Variants in HARS1 observed in about 807,000 individuals in gnomAD.
HARS1 encodes histidyl-tRNA synthetase 1.
A neutral mutation model predicts 63.6 loss-of-function variants in HARS1; 45 were observed. The observed-to-expected ratio is 0.71, with a 90% confidence interval of 0.56 to 0.91. HARS1 has a LOEUF of 0.91. Ranked by LOEUF, HARS1 falls within the 40% of genes least tolerant of loss-of-function variation. The probability of loss-of-function intolerance (pLI) is 0.00; values close to 1 mark genes in which losing one functional copy is unlikely to be tolerated. For synonymous variants in HARS1, 205 were observed against 247.1 expected, an observed-to-expected ratio of 0.83 and a Z score of 1.60; for missense variants, 508 against 643.2, an observed-to-expected ratio of 0.79 and a Z score of 2.27.
intron 2 of HARS1, among the ~76,000 whole-genome samples, chr5:140,689,136 G>A (rs1175644236): frequency 6.6e-6 from 1 of 152,184 alleles, no homozygotes; most frequent in Non-Finnish European, 1.5e-5. Context: ...GAAAGAAACA[G>A]CTCAATGAAT....
rs1581504646 is a variant in HARS1 at position 140,676,888 on chromosome 5, A to G, written c.960T>C (p.Phe320=). Residue 320 remains phenylalanine (F), a synonymous_variant, in exon 10 of 13, where the codon TTT becomes TTC. Transcript: ENST00000504156. This position sits in a 1 kb window ranked among gnomAD's most constrained non-coding sequence, Gnocchi z 4.1. ...TLFGIDDKIS[F]DLSLARGLDY... ...CCAGCCCTCGAGCAAGGCTCAGGTCAAAGGAGATCTGTGGAGATAAGAAAA... is the reference window on the plus strand; with the variant it reads ...CCAGCCCTCGAGCAAGGCTCAGGTCGAAGGAGATCTGTGGAGATAAGAAAA... The G allele has an allele frequency of 1.2e-6, 2 of 1,613,534 alleles. No individual in the cohort carries two copies. The highest frequency in any genetic ancestry group is 2.2e-5 in the South Asian group (2 of 91,074).
intron 2 of HARS1, among the ~76,000 whole-genome samples, chr5:140,689,982 C>T (rs1046084499): frequency 6.6e-6 from 1 of 152,212 alleles, no homozygotes; most frequent in Non-Finnish European, 1.5e-5. Flanking sequence ...GGTTTCCATA[C>T]TCTACCTGGA....
intron 2 of HARS1, among the ~76,000 whole-genome samples, chr5:140,690,010 T>C (rs1269811683): frequency 6.6e-6 from 1 of 152,232 alleles, no homozygotes; most frequent in Non-Finnish European, 1.5e-5. Context: ...TTGTCACACT[T>C]GTCCTCTGGC....
At chr5:140,689,516 C>T (rs1046092847) in intron 2 of HARS1, among the ~76,000 whole-genome samples, 1 of 152,154 alleles carries the variant, frequency 6.6e-6, no homozygotes, top group Non-Finnish European at 1.5e-5. Flanking sequence ...TCAGGCTGGT[C>T]TCAAGCTCCT....
Position 140,674,117 on chromosome 5 carries a change from AAATC to A in HARS1, c.*136_*139del. On this transcript the variant is annotated 3_prime_UTR_variant, in exon 13 of 13. Transcript: ENST00000504156. ...ATAATCAATAAAATAACCATAATAA[AAATC>A]AAAGGCTCTGTTCTGACCACTCTTC... is the stretch of plus-strand genomic sequence containing the variant. The A allele has an allele frequency of 1.4e-6, 1 of 722,396 alleles. No homozygotes were observed. Among genetic ancestry groups the A allele is most frequent in the Middle Eastern group, 2.6e-4 (1 of 3,776 alleles). 44.7% of individuals were successfully genotyped at this position (722,396 alleles called of 1,614,324 possible). A position where few individuals can be genotyped will look rare whatever the true frequency, so the allele number is the denominator to read the frequency against.
intron 6 of HARS1, 26 bp from the exon 7 acceptor site, chr5:140,677,779 G>A: frequency 1.3e-6 from 2 of 1,505,366 alleles, no homozygotes; most frequent in Non-Finnish European, 1.8e-6. Context: ...GCATAGTGAG[G>A]GGGGAATCTC....
At position 140,685,719 on chromosome 5, in the gene HARS1, CA is replaced by C. The variant is rs60936249; in HGVS notation, c.181-2501del. Among the ~76,000 whole-genome samples the C allele has an allele frequency of 5.0e-3, 580 of 116,272 alleles. 3 individuals are homozygous for C. Among genetic ancestry groups the C allele is most frequent in the African/African-American group, 0.015 (454 of 29,920 alleles). 76.3% of individuals were successfully genotyped at this position (116,272 alleles called of 152,430 possible). On this transcript the variant is annotated intron_variant, in intron 2 of 12. Transcript: ENST00000504156. The stretch of plus-strand genomic sequence containing the variant: ...CTGGTGACAGAGTGAGACTCTGTCT[CA>C]AAAAAAAAAAAAAATCATTAAAATG...
At chr5:140,677,173 T>C in intron 8 of HARS1, 57 bp from the exon 9 acceptor site, 1 of 1,590,888 alleles carries the variant, frequency 6.3e-7, no homozygotes, top group Non-Finnish European at 8.6e-7. Context: ...GTAAGGAGGG[T>C]TGACCTTCTT....
Position 140,674,998 on chromosome 5 carries a change from T to G in HARS1, c.1311+19A>C. On this transcript the variant is annotated intron_variant, in intron 11 of 12. Transcript: ENST00000504156. ...AGCACACCTAAGTTTGCTGCCACCCTGGGGCTTGCCTCCCATACCTTGATC... is the reference window on the plus strand; with the variant it reads ...AGCACACCTAAGTTTGCTGCCACCCGGGGGCTTGCCTCCCATACCTTGATC... The G allele has an allele frequency of 6.4e-7, 1 of 1,556,200 alleles. No homozygotes were observed. Among genetic ancestry groups the G allele is most frequent in the Non-Finnish European group, 8.9e-7 (1 of 1,127,368 alleles).
At chr5:140,682,884 T>C (rs1383818956) in intron 3 of HARS1, 5 of 485,662 alleles carry the variant, frequency 1.0e-5, no homozygotes, top group South Asian at 3.9e-5. Context: ...TTCCAAAGAA[T>C]GGCTCTCTTT....
At position 140,679,167 on chromosome 5, in the gene HARS1, T is replaced by C. The variant is rs774831711; in HGVS notation, c.397-40A>G. 1.9e-6 allele frequency: 3 copies of C among 1,607,836 alleles called. No homozygotes were observed. In the African/African-American group the frequency reaches 4.0e-5, roughly 22 times the overall value. On this transcript the variant is annotated intron_variant, in intron 4 of 12. Transcript: ENST00000504156. This position sits in a 1 kb window ranked among gnomAD's most constrained non-coding sequence, Gnocchi z 4.3. ...TTAAGGAGAAAGCCCCTCCTATCACTGTCTGCAAGTTGATTATCATCACCA... is the reference window on the plus strand; with the variant it reads ...TTAAGGAGAAAGCCCCTCCTATCACCGTCTGCAAGTTGATTATCATCACCA...
chr5:140,682,961 CCCT>C, intron 3 of HARS1, 136 bp downstream of exon 3: 3 of 721,464 alleles, frequency 4.2e-6, no homozygotes, highest in South Asian at 2.3e-5. Flanking sequence ...ATTCTTGTCC[CCCT>C]TCTTATTGGA....
intron 5 of HARS1, 38 bp downstream of exon 5, chr5:140,678,964 A>G (rs1221588672): frequency 1.1e-5 from 18 of 1,607,972 alleles, no homozygotes; most frequent in Non-Finnish European, 1.5e-5. Context: ...AGAGAGCCCC[A>G]AGTAACTCAT....
intron 2 of HARS1, among the ~76,000 whole-genome samples, chr5:140,689,416 C>T (rs1037604060): frequency 3.4e-5 from 5 of 149,198 alleles, no homozygotes; most frequent in Admixed American, 3.3e-4. Context: ...AGTTGCTATA[C>T]TATATTTTTT....
chr5:140,679,665 G>A lies in HARS1; in HGVS notation c.396+123C>T. The A allele has an allele frequency of 1.8e-6, 1 of 562,434 alleles. No homozygotes were observed. The highest frequency in any genetic ancestry group is 3.5e-5 in the Admixed American group (1 of 28,848). 34.8% of individuals were successfully genotyped at this position (562,434 alleles called of 1,614,324 possible). A position where few individuals can be genotyped will look rare whatever the true frequency, so the allele number is the denominator to read the frequency against. On this transcript the variant is annotated intron_variant, in intron 4 of 12. Coordinates refer to ENST00000504156, the MANE Select transcript of HARS1 (RefSeq NM_002109.6). The surrounding 1 kb of genome is among the most constrained non-coding windows in gnomAD (Gnocchi z 4.3). ...GCCAAAGTTCCACTCCTGGTTTAGA[G>A]AAATAATTCCCCTAATCGCCAAAGG...
rs770240713 is a variant in HARS1 at position 140,674,286 on chromosome 5, T to C, written c.1501A>G (p.Arg501Gly). 2 of 1,612,424 alleles carry C rather than the reference T, an allele frequency of 1.2e-6. No homozygotes were observed. The highest frequency in any genetic ancestry group is 2.2e-5 in the East Asian group (1 of 44,872). ...CAGATGCAGAGGGGCTGGCCTGTTC[T>C]CCTTTTGATTTCCTCCACAAGGTCT... ...REDLVEEIKRRTGQPLCIC is the reference protein window; with the variant it reads ...REDLVEEIKRGTGQPLCIC The change falls in exon 13 of 13, where the codon AGA (arginine) becomes GGA (glycine). Residue 501 changes from arginine to glycine, a missense_variant. Physicochemically the swap from Arg to Gly is moderately radical, Grantham distance 125 (BLOSUM62 -2). This residue lies in a region of HARS1 where 403 missense variants were observed against 548.7 expected (regional missense o/e 0.73). Coordinates refer to ENST00000504156, the MANE Select transcript of HARS1 (RefSeq NM_002109.6).
Position 140,677,111 on chromosome 5 carries a change from C to T in HARS1, c.829G>A (p.Val277Ile), listed in dbSNP as rs763899763. The T allele has an allele frequency of 5.6e-6, 9 of 1,613,868 alleles. No individual in the cohort carries two copies. Among genetic ancestry groups the T allele is most frequent in the Non-Finnish European group, 5.9e-6 (7 of 1,179,920 alleles). ...TGGAGCAGCTGTTCCACCAGGGATA[C>T]CCCACCTGGGGAGACAGACTTGTGA... ...IGDYVQQHGG[V>I]SLVEQLLQDP... is the part of the protein sequence containing the mutation. Residue 277 changes from valine (V) to isoleucine (I), a missense_variant, in exon 9 of 13, where the codon GTA becomes ATA. Around this residue, in one of 2 missense-constraint regions of HARS1, gnomAD observed 403 missense variants for 548.7 expected, o/e 0.73. Transcript: ENST00000504156.
chr5:140,674,387 T>A, intron 12 of HARS1, 59 bp from the exon 13 acceptor site: 6 of 1,213,112 alleles, frequency 4.9e-6, no homozygotes, highest in Non-Finnish European at 7.4e-6. Flanking sequence ...GCTCCCCGAG[T>A]GCCTAGTTTC....
At position 140,691,307 on chromosome 5, in the gene HARS1, C is replaced by A. The variant is rs754488411; in HGVS notation, c.-3G>T. On this transcript the variant is annotated 5_prime_UTR_variant, in exon 1 of 13. Coordinates refer to ENST00000504156, the MANE Select transcript of HARS1 (RefSeq NM_002109.6). The stretch of plus-strand genomic sequence containing the variant: ...TCCAGCGCCGCACGCTCTGCCATCC[C>A]GGCTGTCCACTTGAGCCGCCTGCTG... 2 of 1,601,916 alleles carry A rather than the reference C, an allele frequency of 1.2e-6. No individual in the cohort carries two copies. Among genetic ancestry groups the A allele is most frequent in the Non-Finnish European group, 1.7e-6 (2 of 1,177,194 alleles).
Sources: gnomAD v4.1 joint callset for allele counts (sites outside exome capture counted in the v4.1 genomes callset) on GRCh38, gnomAD v4.1.1 for gene constraint, gnomAD v4.1.1 regional missense constraint, Gnocchi (gnomAD v3.1) non-coding constraint, MANE v1.5 for transcripts, NCBI Gene and HGNC (gene_info 2026-07-23, HGNC 2026-07-21) for gene names.